The following POMT1 variants were observed in gnomAD, a reference collection of about 807,000 sequenced individuals.
POMT1 encodes protein O-mannosyltransferase 1.
Under a neutral mutation model 101.6 loss-of-function variants are expected in POMT1, and 85 were observed. That is an observed-to-expected ratio of 0.84 (90% CI 0.70 to 1.00). The LOEUF is 1.00. Among genes scored for constraint, POMT1 ranks in the 50% least tolerant of loss-of-function variants. POMT1 has a pLI of 0.00. For synonymous variants in POMT1, 371 were observed against 383.0 expected, an observed-to-expected ratio of 0.97 and a Z score of 0.37; for missense variants, 857 against 930.4, an observed-to-expected ratio of 0.92 and a Z score of 1.03.
Position 131,510,310 on chromosome 9 carries a change from C to G in POMT1, c.750C>G (p.Ile250Met). The change falls in exon 9 of 20, where the codon ATC becomes ATG. Residue 250 changes from isoleucine to methionine, a missense_variant. By Grantham distance (10) the Ile-to-Met change is conservative (BLOSUM62 1). Transcript: ENST00000402686. ...LLARAVALLV[I>M]PVVLYLLFFY... ...CCCGAGCAGTGGCTTTGCTGGTCAT[C>G]CCGGTCGTCCTGTACTTACTGTTCT... 1.2e-6 allele frequency: 2 copies of G among 1,614,212 alleles called. No individual in the cohort carries two copies. The highest frequency in any genetic ancestry group is 8.5e-7 in the Non-Finnish European group (1 of 1,180,038).
intron 2 of POMT1, 67 bp from the exon 3 acceptor site, chr9:131,506,047 C>T (rs1045573453): frequency 1.9e-6 from 3 of 1,599,438 alleles, no homozygotes; most frequent in African/African-American, 1.3e-5. Flanking sequence ...CACATTTATC[C>T]TCACAGTTTT....
rs775572661 is a variant in POMT1 at position 131,519,891 on chromosome 9, G to A, written c.1585-189G>A. ...GTAACTGGAGCACATAGGGTGGGGC[G>A]ACCCTCCCAAGGCCACATTCAGGGC... On this transcript the variant is annotated intron_variant, in intron 16 of 19. Transcript: ENST00000402686. This position sits in a 1 kb window ranked among gnomAD's most constrained non-coding sequence, Gnocchi z 4.3. Among the ~76,000 whole-genome samples the A allele has an allele frequency of 3.3e-5, 5 of 152,144 alleles. No homozygotes were observed. The highest frequency in any genetic ancestry group is 7.3e-5 in the Non-Finnish European group (5 of 68,032).
At position 131,513,015 on chromosome 9, in the gene POMT1, G is replaced by A. The variant is rs77125240; in HGVS notation, c.1083-224G>A. On this transcript the variant is annotated intron_variant, in intron 11 of 19. Coordinates refer to ENST00000402686, the MANE Select transcript of POMT1 (RefSeq NM_001077365.2). ...TGTAGACAAATTCAGAGCAATGCAGGTGTGATGACCGCGGGTAGAATCACA... is the reference window on the plus strand; with the variant it reads ...TGTAGACAAATTCAGAGCAATGCAGATGTGATGACCGCGGGTAGAATCACA... 0.044 allele frequency among the ~76,000 whole-genome samples: 6,627 copies of A among 152,284 alleles called. 242 individuals are homozygous for A. The highest frequency in any genetic ancestry group is 0.11 in the Admixed American group (1,693 of 15,290).
Position 131,523,403 on chromosome 9 carries a change from ACC to A in POMT1, c.*299_*300del, listed in dbSNP as rs952811979. ...AGTCATTGACAACAAAAAGCCGAGA[ACC>A]CAGGGCCAGCAGTGGAGCCTCAGCA... On this transcript the variant is annotated 3_prime_UTR_variant, in exon 20 of 20. Transcript: ENST00000402686. 2.5e-5 allele frequency: 10 copies of A among 403,584 alleles called. No homozygotes were observed. Among genetic ancestry groups the A allele is most frequent in the African/African-American group, 2.1e-4 (10 of 48,732 alleles). 25.0% of individuals were successfully genotyped at this position (403,584 alleles called of 1,614,324 possible). A position where few individuals can be genotyped will look rare whatever the true frequency, so the allele number is the denominator to read the frequency against.
Position 131,523,079 on chromosome 9 carries a change from C to T in POMT1, c.2151C>T (p.Ser717=). 6.2e-7 allele frequency: 1 copy of T among 1,611,560 alleles called. No homozygotes were observed. The highest frequency in any genetic ancestry group is 8.5e-7 in the Non-Finnish European group (1 of 1,179,870). ...TCAAGGCCCTTCGCTGGAAAGACAG[C>T]TGGGACATCTTGATCCGAAAACACT... ...HELKALRWKD[S]WDILIRKH is the part of the protein sequence containing the mutation. The change falls in exon 20 of 20, where the codon AGC becomes AGT. Residue 717 remains serine (S), a synonymous_variant. Coordinates refer to ENST00000402686, the MANE Select transcript of POMT1 (RefSeq NM_001077365.2).
intron 12 of POMT1, among the ~76,000 whole-genome samples, chr9:131,514,371 A>G (rs1490854846): frequency 2.0e-5 from 3 of 152,076 alleles, no homozygotes; most frequent in Admixed American, 2.0e-4. Flanking sequence ...TGGGGGCTTC[A>G]CACTTGCTCC....
rs892169938 is a variant in POMT1, at chr9:131,518,500, T to G, written c.1328T>G (p.Val443Gly). 1 of 1,613,924 alleles carries G rather than the reference T, an allele frequency of 6.2e-7. No individual in the cohort carries two copies. The highest frequency in any genetic ancestry group is 8.5e-7 in the Non-Finnish European group (1 of 1,180,008). ...GTCTGGAAGACCATCCTCTCAGAGG[T>G]CCGCTTTGTGCACGTGAACACTTCC... ...TDVWKTILSEVRFVHVNTSAV... is the reference protein window; with the variant it reads ...TDVWKTILSEGRFVHVNTSAV... The change falls in exon 14 of 20, where the codon GTC (valine) becomes GGC (glycine). Residue 443 changes from valine to glycine, a missense_variant. Physicochemically the swap from Val to Gly is moderately radical, Grantham distance 109. Coordinates refer to ENST00000402686, the MANE Select transcript of POMT1 (RefSeq NM_001077365.2).
rs753403833 is a variant in POMT1 at position 131,518,495 on chromosome 9, A to G, written c.1323A>G (p.Ser441=). The change falls in exon 14 of 20, where the codon TCA becomes TCG. Residue 441 remains serine, a synonymous_variant. Transcript: ENST00000402686. ...CAGACGTCTGGAAGACCATCCTCTC[A>G]GAGGTCCGCTTTGTGCACGTGAACA... ...SDTDVWKTIL[S]EVRFVHVNTS... The G allele has an allele frequency of 6.2e-7, 1 of 1,613,996 alleles. No individual in the cohort carries two copies. Among genetic ancestry groups the G allele is most frequent in the East Asian group, 2.2e-5 (1 of 44,894 alleles).
In POMT1 at chr9:131,522,485, G is replaced by A; in HGVS notation, c.2003+261G>A. On this transcript the variant is annotated intron_variant, in intron 19 of 19. Transcript: ENST00000402686. This position sits in a 1 kb window ranked among gnomAD's most constrained non-coding sequence, Gnocchi z 5.5. ...GGGGAGGGGATGAAGAGATGTGGGT[G>A]GCCTGGAGGATTCGGGAGCAGGGAG... 2.9e-6 allele frequency: 2 copies of A among 683,468 alleles called. No individual in the cohort carries two copies. Among genetic ancestry groups the A allele is most frequent in the South Asian group, 1.9e-5 (1 of 51,924 alleles). 42.3% of individuals were successfully genotyped at this position (683,468 alleles called of 1,614,324 possible). A position where few individuals can be genotyped will look rare whatever the true frequency, so the allele number is the denominator to read the frequency against.
chr9:131,521,291 C>T, intron 17 of POMT1, 55 bp from the exon 18 acceptor site: 2 of 1,612,762 alleles, frequency 1.2e-6, no homozygotes. Context: ...GTTCTCTTCT[C>T]TTCCCTCCCT....
chr9:131,513,360 C>T lies in POMT1; in HGVS notation c.1175+29C>T, dbSNP rs1345947016. 5.7e-6 allele frequency: 9 copies of T among 1,591,198 alleles called. No individual in the cohort carries two copies. The African/African-American group carries it at 8.1e-5, about 14-fold the overall frequency. On this transcript the variant is annotated intron_variant, in intron 12 of 19. Coordinates refer to ENST00000402686, the MANE Select transcript of POMT1 (RefSeq NM_001077365.2). ...AGTGTGCCCGCCGTCTGCTCTGCTGCACCTGTGGGTTTCCTCTGTGGTTCT... is the reference window on the plus strand; with the variant it reads ...AGTGTGCCCGCCGTCTGCTCTGCTGTACCTGTGGGTTTCCTCTGTGGTTCT...
chr9:131,518,498 G>A lies in POMT1; in HGVS notation c.1326G>A (p.Glu442=), dbSNP rs764970702. The change falls in exon 14 of 20, where the codon GAG becomes GAA. Residue 442 remains glutamate (E), a synonymous_variant. Coordinates refer to ENST00000402686, the MANE Select transcript of POMT1 (RefSeq NM_001077365.2). The stretch of plus-strand genomic sequence containing the variant: ...ACGTCTGGAAGACCATCCTCTCAGA[G>A]GTCCGCTTTGTGCACGTGAACACTT... ...DTDVWKTILS[E]VRFVHVNTSA... The A allele has an allele frequency of 1.2e-6, 2 of 1,613,974 alleles. No homozygotes were observed.
chr9:131,511,067 A>G, intron 9 of POMT1: 1 of 406,386 alleles, frequency 2.5e-6, no homozygotes, highest in Non-Finnish European at 4.5e-6. Context: ...CATTGCTCTT[A>G]CCTCATTGGA....
intron 14 of POMT1, 67 bp downstream of exon 14, chr9:131,518,604 C>A: frequency 6.8e-7 from 1 of 1,479,246 alleles, no homozygotes; most frequent in Non-Finnish European, 9.5e-7. Flanking sequence ...CCAAGCCCCT[C>A]AGGCTTCACC....
chr9:131,513,204 GCT>G lies in POMT1; in HGVS notation c.1083-32_1083-31del, dbSNP rs1426412960. 1.5e-5 allele frequency: 23 copies of G among 1,565,900 alleles called. No homozygotes were observed. The South Asian group carries it at 1.8e-4, about 12-fold the overall frequency. Reference sequence around the variant, plus strand: ...GCAGCTGTTAGTTCGAGGGGACCAGGCTCTGTGTGGTCCCGACAGCACTGTGT... The same window carrying G: ...GCAGCTGTTAGTTCGAGGGGACCAGGCTGTGTGGTCCCGACAGCACTGTGT... On this transcript the variant is annotated intron_variant, in intron 11 of 19. Coordinates refer to ENST00000402686, the MANE Select transcript of POMT1 (RefSeq NM_001077365.2).
intron 12 of POMT1, among the ~76,000 whole-genome samples, chr9:131,514,364 G>A (rs1283701631): frequency 6.6e-6 from 1 of 152,192 alleles, no homozygotes; most frequent in Non-Finnish European, 1.5e-5. Context: ...GGCCCCTTGG[G>A]GGCTTCACAC....
intron 9 of POMT1, 99 bp downstream of exon 9, chr9:131,510,514 C>A: frequency 7.0e-7 from 1 of 1,424,728 alleles, no homozygotes; most frequent in Non-Finnish European, 9.7e-7. Context: ...GCACTTGAAT[C>A]AAAACATGAA....
intron 13 of POMT1, chr9:131,518,077 G>A: frequency 2.7e-6 from 1 of 372,186 alleles, no homozygotes. Flanking sequence ...CTTCATCTGA[G>A]CTGTCTGCGA....
At chr9:131,520,638 C>A (rs1185365319) in intron 17 of POMT1, among the ~76,000 whole-genome samples, 1 of 152,186 alleles carries the variant, frequency 6.6e-6, no homozygotes, top group African/African-American at 2.4e-5. Flanking sequence ...CACCTTTTTC[C>A]TCCTCCCTCA....
Sources: gnomAD v4.1 joint callset for allele counts (sites outside exome capture counted in the v4.1 genomes callset) on GRCh38, gnomAD v4.1.1 for gene constraint, Gnocchi (gnomAD v3.1) non-coding constraint, MANE v1.5 for transcripts, NCBI Gene and HGNC (gene_info 2026-07-23, HGNC 2026-07-21) for gene names.